UROC1: variants seen among roughly 807,000 people sequenced by gnomAD.
UROC1 encodes the protein urocanate hydratase.
In UROC1, 79 loss-of-function variants were observed where a neutral mutation model predicts 89.5. The observed-to-expected ratio is 0.88, with a 90% confidence interval of 0.74 to 1.06. The LOEUF (loss-of-function observed/expected upper bound fraction) is 1.06. Ranked by LOEUF, UROC1 falls within the 50% of genes least tolerant of loss-of-function variation. UROC1 has a pLI of 0.00. For missense variants in UROC1, 885 were observed against 907.8 expected (o/e 0.97, Z 0.32); for synonymous variants, 361 against 354.8 (o/e 1.02, Z -0.20).
rs1334254307 is a variant in UROC1 at position 126,509,638 on chromosome 3, C to G, written c.298G>C (p.Ala100Pro). The G allele has an allele frequency of 6.4e-6, 10 of 1,552,120 alleles. No homozygotes were observed. The East Asian group carries it at 2.2e-4, about 34-fold the overall frequency. The change falls in exon 3 of 20, where the codon GCT becomes CCT. Residue 100 changes from alanine to proline, a missense_variant. Ala to Pro is a conservative substitution (Grantham distance 27, BLOSUM62 -1). Coordinates refer to ENST00000290868, the MANE Select transcript of UROC1 (RefSeq NM_144639.3). ...IEQYPCQTKVAAAIMHMIMNN... is the reference protein window; with the variant it reads ...IEQYPCQTKVPAAIMHMIMNN... ...ATAATCATGTGCATGATGGCGGCAGCCACTTTCGTCTGGCAGGGGTACTGC... is the reference window on the plus strand; with the variant it reads ...ATAATCATGTGCATGATGGCGGCAGGCACTTTCGTCTGGCAGGGGTACTGC...
chr3:126,499,011 A>G (rs1422264206), intron 13 of UROC1, among the ~76,000 whole-genome samples: 3 of 151,918 alleles, frequency 2.0e-5, no homozygotes, highest in Non-Finnish European at 4.4e-5. Context: ...GCCATCAGCC[A>G]CCCACGAGGG....
intron 12 of UROC1, 46 bp from the exon 13 acceptor site, chr3:126,499,455 TG>T (rs749759358): frequency 1.3e-6 from 2 of 1,578,450 alleles, no homozygotes; most frequent in Non-Finnish European, 1.7e-6. Context: ...AGGACACCCA[TG>T]GCCACCCTAG....
intron 13 of UROC1, among the ~76,000 whole-genome samples, chr3:126,498,518 C>A (rs1462168136): frequency 6.6e-6 from 1 of 152,078 alleles, no homozygotes; most frequent in Non-Finnish European, 1.5e-5. Flanking sequence ...GGGGCTGTAG[C>A]CTTGGGGAAC....
Position 126,488,275 on chromosome 3 carries a change from C to T in UROC1, c.1713G>A (p.Met571Ile). ...CATCTCCCACGAAGTTCTGCACAGCCATGTCTGCGGAAATAGAGACGCCTC... is the reference window on the plus strand; with the variant it reads ...CATCTCCCACGAAGTTCTGCACAGCTATGTCTGCGGAAATAGAGACGCCTC... ...IYDGSAFCAD[M>I]AVQNFVGDAC... The change falls in exon 18 of 20, where the codon ATG becomes ATA. Residue 571 changes from methionine (M) to isoleucine (I), a missense_variant. By Grantham distance (10) the Met-to-Ile change is conservative. Coordinates refer to ENST00000290868, the MANE Select transcript of UROC1 (RefSeq NM_144639.3). 6.2e-7 allele frequency: 1 copy of T among 1,614,260 alleles called. No individual in the cohort carries two copies. Among genetic ancestry groups the T allele is most frequent in the Non-Finnish European group, 8.5e-7 (1 of 1,180,048 alleles).
chr3:126,492,640 A>C, intron 15 of UROC1, 124 bp from the exon 16 acceptor site: 1 of 551,648 alleles, frequency 1.8e-6, no homozygotes, highest in Non-Finnish European at 3.2e-6. Context: ...TGAGCGCCTA[A>C]CAAGGTCCAG....
chr3:126,508,309 G>A, intron 4 of UROC1, 107 bp downstream of exon 4: 2 of 1,380,368 alleles, frequency 1.4e-6, no homozygotes, highest in Non-Finnish European at 2.1e-6. Context: ...AGGCACCAGG[G>A]AGGCAGAGGC....
At chr3:126,510,429 C>A (rs941752191) in intron 2 of UROC1, among the ~76,000 whole-genome samples, 2 of 152,234 alleles carry the variant, frequency 1.3e-5, no homozygotes, top group African/African-American at 2.4e-5. Flanking sequence ...ATGGGCCGGG[C>A]CTGAGAGACC....
intron 10 of UROC1, 91 bp downstream of exon 10, chr3:126,501,127 T>A (rs981285813): frequency 6.5e-6 from 9 of 1,388,500 alleles, no homozygotes; most frequent in African/African-American, 1.4e-5. Flanking sequence ...AAGCTTTGTG[T>A]CCTGGCAGCT....
chr3:126,498,736 T>C (rs765026669), intron 13 of UROC1, among the ~76,000 whole-genome samples: 2 of 152,136 alleles, frequency 1.3e-5, no homozygotes, highest in Non-Finnish European at 2.9e-5. Context: ...AGCTTGACAG[T>C]AAGTGGCATT....
At chr3:126,499,603 G>A (rs758675122) in intron 12 of UROC1, among the ~76,000 whole-genome samples, 194 bp from the exon 13 acceptor site, 5 of 152,228 alleles carry the variant, frequency 3.3e-5, no homozygotes, top group African/African-American at 7.2e-5. Flanking sequence ...GGATGCATGC[G>A]CTTGCCATGG....
rs777474 is a variant in UROC1 at position 126,492,439 on chromosome 3, G to A, written c.1587C>T (p.Ala529=). The stretch of plus-strand genomic sequence containing the variant: ...TCACCTTGATCCTCCTGCAGGCGAT[G>A]GCCTGGTTAATGGCCACAGCGATGG... The part of the protein sequence containing the change: ...RVAIAVAINQ[A]IACRRIKAPV... Residue 529 remains alanine (A), a synonymous_variant, in exon 16 of 20, where the codon GCC becomes GCT. Coordinates refer to ENST00000290868, the MANE Select transcript of UROC1 (RefSeq NM_144639.3). The A allele has an allele frequency of 6.3e-3, 10,172 of 1,613,638 alleles. 96 individuals carry two copies. The highest frequency in any genetic ancestry group is 0.044 in the Admixed American group (2,662 of 60,008).
chr3:126,489,258 C>A lies in UROC1; in HGVS notation c.1708+18G>T. 2 of 1,585,430 alleles carry A rather than the reference C, an allele frequency of 1.3e-6. No individual in the cohort carries two copies. The highest frequency in any genetic ancestry group is 1.7e-6 in the Non-Finnish European group (2 of 1,154,306). ...CCAAATCTAAGATGAAAGTTTAAGA[C>A]ATTCTCATCTTCCTCACCTGCACAG... On this transcript the variant is annotated intron_variant, in intron 17 of 19. Coordinates refer to ENST00000290868, the MANE Select transcript of UROC1 (RefSeq NM_144639.3).
At chr3:126,496,847 CTGG>C (rs1430301449) in intron 14 of UROC1, among the ~76,000 whole-genome samples, 1 of 152,232 alleles carries the variant, frequency 6.6e-6, no homozygotes, top group East Asian at 1.9e-4. Context: ...GAGTATCTGC[CTGG>C]TGGAGATGCC....
chr3:126,517,269 C>T (rs749853977), intron 1 of UROC1, among the ~76,000 whole-genome samples: 1 of 152,136 alleles, frequency 6.6e-6, no homozygotes, highest in Non-Finnish European at 1.5e-5. Flanking sequence ...TTGGGGTGGA[C>T]GCGGCGCTTG....
At chr3:126,502,387 T>C (rs1935948481) in intron 9 of UROC1, among the ~76,000 whole-genome samples, 1 of 152,020 alleles carries the variant, frequency 6.6e-6, no homozygotes, top group African/African-American at 2.4e-5. Flanking sequence ...TGTGTTTACA[T>C]GTGTTTATGT....
chr3:126,514,614 C>T (rs959807121), intron 1 of UROC1, among the ~76,000 whole-genome samples: 8 of 152,044 alleles, frequency 5.3e-5, no homozygotes, highest in Middle Eastern at 3.4e-3. Context: ...AAATGCACCA[C>T]GAAGGAACAA....
intron 9 of UROC1, among the ~76,000 whole-genome samples, chr3:126,502,851 A>C (rs1292857729): frequency 1.4e-5 from 2 of 144,910 alleles, no homozygotes; most frequent in Non-Finnish European, 3.0e-5. Context: ...TGTGTGTTAC[A>C]TGTGTGTTGT....
chr3:126,482,407 C>A lies in UROC1; in HGVS notation c.1969G>T (p.Val657Leu), dbSNP rs1386778336. 6.2e-7 allele frequency: 1 copy of A among 1,613,980 alleles called. No homozygotes were observed. Among genetic ancestry groups the A allele is most frequent in the Non-Finnish European group, 8.5e-7 (1 of 1,180,000 alleles). ...CQTMQENSTL[V>L]VTLPHKVEDE... ...TCCACCTTGTGAGGCAGTGTCACCACCAAGGTGCTGTTCTCCTGCATGGTC... is the reference window on the plus strand; with the variant it reads ...TCCACCTTGTGAGGCAGTGTCACCAACAAGGTGCTGTTCTCCTGCATGGTC... The change falls in exon 20 of 20, where the codon GTG becomes TTG. Residue 657 changes from valine to leucine, a missense_variant. Transcript: ENST00000290868.
At chr3:126,500,268 A>ACTGCTC in intron 11 of UROC1, 114 bp from the exon 12 acceptor site, 1 of 1,022,458 alleles carries the variant, frequency 9.8e-7, no homozygotes, top group Admixed American at 1.9e-5. Flanking sequence ...CACTGCCTGG[A>ACTGCTC]CTGCTCCTGC....
Sources: allele counts gnomAD v4.1 joint callset (sites outside exome capture counted in the v4.1 genomes callset), GRCh38; gene constraint gnomAD v4.1.1; transcripts MANE v1.5; gene names NCBI Gene and HGNC (gene_info 2026-07-23, HGNC 2026-07-21).